Variants in DLGAP2 observed in about 807,000 individuals in gnomAD.
DLGAP2 encodes DLG associated protein 2, also known as disks large-associated protein 2.
In DLGAP2, 26 loss-of-function variants were observed where a neutral mutation model predicts 100.3. The observed-to-expected ratio is 0.26, with a 90% CI of 0.19 to 0.36. The LOEUF (loss-of-function observed/expected upper bound fraction) is 0.36. Ranked by LOEUF, DLGAP2 falls within the 10% of genes least tolerant of loss-of-function variation. The probability of loss-of-function intolerance (pLI) is 1.00; values close to 1 mark genes in which losing one functional copy is unlikely to be tolerated. For synonymous variants in DLGAP2, 886 were observed against 630.1 expected (o/e 1.41, Z -6.08); for missense variants, 1,858 against 1,453.2 (o/e 1.28, Z -4.53).
intron 3 of DLGAP2, chr8:1,262,380 GATT>G (rs1453169457): frequency 6.6e-6 from 1 of 152,162 alleles, no homozygotes. Context: ...TTAAAAGATT[GATT>G]ATTATTTACT....
intron 2 of DLGAP2, among the ~76,000 whole-genome samples, chr8:1,169,224 C>A (rs568668413): frequency 9.9e-5 from 15 of 152,260 alleles, no homozygotes; most frequent in African/African-American, 2.6e-4. Context: ...GGGCTCTGTT[C>A]TGTACTATTG....
At chr8:1,136,991 C>T (rs1301912141) in intron 2 of DLGAP2, among the ~76,000 whole-genome samples, 1 of 152,184 alleles carries the variant, frequency 6.6e-6, no homozygotes, top group Admixed American at 6.5e-5. Context: ...AGATGGTGCC[C>T]AGCCACTGTG....
At chr8:1,011,031 G>A (rs932143119) in intron 2 of DLGAP2, among the ~76,000 whole-genome samples, 1 of 152,018 alleles carries the variant, frequency 6.6e-6, no homozygotes, top group Non-Finnish European at 1.5e-5. Flanking sequence ...GGAATGTGGG[G>A]CCTCAGTCTG....
At chr8:1,538,678 C>T (rs933720010) in intron 4 of DLGAP2, among the ~76,000 whole-genome samples, 1 of 152,152 alleles carries the variant, frequency 6.6e-6, no homozygotes, top group Non-Finnish European at 1.5e-5. Flanking sequence ...GCCCTCTTTT[C>T]TAGGAATTGG....
intron 3 of DLGAP2, among the ~76,000 whole-genome samples, chr8:1,261,767 A>C (rs1015274975): frequency 6.6e-6 from 1 of 152,214 alleles, no homozygotes; most frequent in Non-Finnish European, 1.5e-5. Flanking sequence ...TATATTTTTA[A>C]AATCATTTAA....
chr8:1,668,771 C>T (rs772021960), intron 9 of DLGAP2, 93 bp downstream of exon 9: 149 of 1,170,054 alleles, frequency 1.3e-4, no homozygotes, highest in Non-Finnish European at 1.6e-4. Context: ...GCCCTGGGTC[C>T]TTAGCACTGA....
chr8:994,344 G>T (rs1481585887), intron 2 of DLGAP2, among the ~76,000 whole-genome samples: 2 of 152,146 alleles, frequency 1.3e-5, no homozygotes, highest in East Asian at 3.9e-4. Context: ...GGGATTACAG[G>T]CATGGGCCAC....
chr8:1,049,465 C>G (rs1285588773), intron 2 of DLGAP2, among the ~76,000 whole-genome samples: 1 of 152,032 alleles, frequency 6.6e-6, no homozygotes, highest in Non-Finnish European at 1.5e-5. Flanking sequence ...TAACGTCACA[C>G]GGGAATACAA....
At chr8:1,451,232 G>C (rs968120845) in intron 3 of DLGAP2, among the ~76,000 whole-genome samples, 2 of 152,134 alleles carry the variant, frequency 1.3e-5, no homozygotes, top group African/African-American at 4.8e-5. Flanking sequence ...AGAAGGAACA[G>C]GCCTGTTGCA....
intron 3 of DLGAP2, among the ~76,000 whole-genome samples, chr8:1,484,154 C>T (rs756089231): frequency 2.6e-5 from 4 of 152,210 alleles, no homozygotes; most frequent in African/African-American, 4.8e-5. Flanking sequence ...AGGGCAGGCC[C>T]TCCAGGTGCC....
At chr8:1,636,710 G>A (rs1797775418) in intron 8 of DLGAP2, among the ~76,000 whole-genome samples, 1 of 152,146 alleles carries the variant, frequency 6.6e-6, no homozygotes, top group African/African-American at 2.4e-5. Context: ...GACTAAACTT[G>A]TTGCCTCAAC....
chr8:914,925 G>T (rs1246062152), intron 2 of DLGAP2, among the ~76,000 whole-genome samples: 1 of 152,152 alleles, frequency 6.6e-6, no homozygotes, highest in Non-Finnish European at 1.5e-5. Flanking sequence ...TTTTGGCTTT[G>T]TCTGAGGATT....
rs187117223 is a variant in DLGAP2 at position 1,221,451 on chromosome 8, G to A, written c.74-37400G>A. Among the ~76,000 whole-genome samples, 27 of 152,284 alleles carry A rather than the reference G, an allele frequency of 1.8e-4. 1 individual carries two copies. Among genetic ancestry groups the A allele is most frequent in the Admixed American group, 1.0e-3 (16 of 15,288 alleles). ...CTTAATCTCTTCTGGCTTGTAAGAT[G>A]TCTGCTGAAAGGTCCACTGTTAGCC... is the stretch of plus-strand genomic sequence containing the variant. On this transcript the variant is annotated intron_variant, in intron 2 of 14. Coordinates refer to ENST00000637795, the MANE Select transcript of DLGAP2 (RefSeq NM_001346810.2).
At chr8:1,215,462 C>T (rs573528912) in intron 2 of DLGAP2, among the ~76,000 whole-genome samples, 23 of 139,644 alleles carry the variant, frequency 1.6e-4, no homozygotes, top group Middle Eastern at 3.8e-3. Flanking sequence ...GGTGCATCAC[C>T]TGGAGACGTC....
At chr8:1,362,713 T>C (rs904762942) in intron 3 of DLGAP2, among the ~76,000 whole-genome samples, 1 of 152,234 alleles carries the variant, frequency 6.6e-6, no homozygotes, top group Admixed American at 6.5e-5. Flanking sequence ...TCCGCCCATT[T>C]GCTTTTTAAT....
At chr8:1,209,835 A>G (rs1368230860) in intron 2 of DLGAP2, among the ~76,000 whole-genome samples, 1 of 151,854 alleles carries the variant, frequency 6.6e-6, no homozygotes, top group Non-Finnish European at 1.5e-5. Context: ...AGATATTAGG[A>G]CTCTTCCACA....
chr8:1,603,971 T>C (rs1481263188), intron 6 of DLGAP2, among the ~76,000 whole-genome samples: 1 of 152,024 alleles, frequency 6.6e-6, no homozygotes, highest in Non-Finnish European at 1.5e-5. Context: ...CCTCCCCACA[T>C]ACCCCAGCCA....
intron 2 of DLGAP2, among the ~76,000 whole-genome samples, chr8:1,099,132 C>T (rs1039913048): frequency 2.6e-5 from 4 of 152,138 alleles, no homozygotes; most frequent in African/African-American, 4.8e-5. Flanking sequence ...TCAGCCTCGC[C>T]GGTGTTCCTG....
intron 4 of DLGAP2, among the ~76,000 whole-genome samples, chr8:1,507,880 C>A (rs1277160274): frequency 2.0e-5 from 3 of 147,746 alleles, no homozygotes; most frequent in African/African-American, 7.5e-5. Context: ...CAGGCTTCAG[C>A]CTTGACCTTC....
Sources: gnomAD v4.1 joint callset for allele counts (sites outside exome capture counted in the v4.1 genomes callset) on GRCh38, gnomAD v4.1.1 for gene constraint, MANE v1.5 for transcripts, NCBI Gene and HGNC (gene_info 2026-07-23, HGNC 2026-07-21) for gene names.